The following BCAS3 variants were observed in gnomAD, a reference collection of about 807,000 sequenced individuals.
BCAS3 encodes the protein BCAS3 microtubule associated cell migration factor.
BCAS3 carries 53 observed loss-of-function variants against 116.1 expected under a neutral mutation model. That is an observed-to-expected ratio of 0.46 (90% CI 0.37 to 0.57). The LOEUF (loss-of-function observed/expected upper bound fraction) is 0.57. Ranked by LOEUF, BCAS3 falls within the 20% of genes least tolerant of loss-of-function variation. BCAS3 has a pLI of 0.00. For synonymous variants in BCAS3, 391 were observed against 408.2 expected (o/e 0.96, Z 0.51); for missense variants, 917 against 1,165.4 (o/e 0.79, Z 3.10).
At chr17:60,884,493 A>C (rs958126423) in intron 9 of BCAS3, among the ~76,000 whole-genome samples, 4 of 141,982 alleles carry the variant, frequency 2.8e-5, no homozygotes, top group African/African-American at 1.1e-4. Context: ...TAGCTTTTGA[A>C]TGTGTTTGCT....
intron 22 of BCAS3, among the ~76,000 whole-genome samples, chr17:61,096,347 T>C (rs2073971304): frequency 6.6e-6 from 1 of 152,178 alleles, no homozygotes; most frequent in Admixed American, 6.5e-5. Flanking sequence ...TATAATAAAC[T>C]TGTATCCCAG....
chr17:60,699,216 C>CTTAT lies in BCAS3; in HGVS notation c.214+9468_214+9471dup, dbSNP rs144443482. On this transcript the variant is annotated intron_variant, in intron 4 of 23. Coordinates refer to ENST00000407086, the MANE Select transcript of BCAS3 (RefSeq NM_017679.5). ...CACCATTTGTTTATTTATTTATTTA[C>CTTAT]TTATTTATTTATTTATGAGACAGAG... Among the ~76,000 whole-genome samples, 20 of 151,788 alleles carry CTTAT rather than the reference C, an allele frequency of 1.3e-4. No individual in the cohort carries two copies. The East Asian group carries it at 3.3e-3, about 25-fold the overall frequency.
rs905914404 is a variant in BCAS3, at chr17:61,327,444, C to A, written c.2426-40883C>A. Among the ~76,000 whole-genome samples, 3 of 151,868 alleles carry A rather than the reference C, an allele frequency of 2.0e-5. No individual in the cohort carries two copies. The highest frequency in any genetic ancestry group is 2.0e-4 in the Admixed American group (3 of 15,244). The stretch of plus-strand genomic sequence containing the variant: ...ATGACATCATAGAATTGTAATGAGA[C>A]TATATTGAGGGTTAGATAACAGGCA... On this transcript the variant is annotated intron_variant, in intron 22 of 23. Coordinates refer to ENST00000407086, the MANE Select transcript of BCAS3 (RefSeq NM_017679.5). This position sits in a 1 kb window ranked among gnomAD's most constrained non-coding sequence, Gnocchi z 5.9.
chr17:60,850,886 A>C (rs2053083161), intron 7 of BCAS3, among the ~76,000 whole-genome samples: 2 of 152,212 alleles, frequency 1.3e-5, no homozygotes, highest in Non-Finnish European at 2.9e-5. Context: ...TCTCTTCCTA[A>C]GTTGATCTAT....
At chr17:61,247,641 G>A (rs913843427) in intron 22 of BCAS3, among the ~76,000 whole-genome samples, 1 of 152,106 alleles carries the variant, frequency 6.6e-6, no homozygotes, top group Non-Finnish European at 1.5e-5. Context: ...CCTTATTGCC[G>A]ACCACAGCTG....
chr17:61,331,074 A>G (rs972664176), intron 22 of BCAS3, among the ~76,000 whole-genome samples: 26 of 152,190 alleles, frequency 1.7e-4, no homozygotes, highest in African/African-American at 5.5e-4. Flanking sequence ...GGGGTGAGAA[A>G]AGCATATAAG....
rs180965018 is a variant in BCAS3, at chr17:60,868,235, C to T, written c.477-341C>T. On this transcript the variant is annotated intron_variant, in intron 7 of 23. Coordinates refer to ENST00000407086, the MANE Select transcript of BCAS3 (RefSeq NM_017679.5). ...GGGGGCAGGGTTTCACCATGTTGGCCAGGCTGGTCTCAAACTCCTGACCTC... is the reference window on the plus strand; with the variant it reads ...GGGGGCAGGGTTTCACCATGTTGGCTAGGCTGGTCTCAAACTCCTGACCTC... Among the ~76,000 whole-genome samples the T allele has an allele frequency of 3.6e-3, 545 of 152,112 alleles. 2 individuals are homozygous for T. The highest frequency in any genetic ancestry group is 8.2e-3 in the Admixed American group (125 of 15,270).
chr17:61,186,932 G>A lies in BCAS3; in HGVS notation c.2425+102368G>A, dbSNP rs545128454. The stretch of plus-strand genomic sequence containing the variant: ...TCACCGTGTTAGCCAGGATGGTCTC[G>A]ATCTCCTGACCTCGTGATCCACCCA... On this transcript the variant is annotated intron_variant, in intron 22 of 23. Coordinates refer to ENST00000407086, the MANE Select transcript of BCAS3 (RefSeq NM_017679.5). This position sits in a 1 kb window ranked among gnomAD's most constrained non-coding sequence, Gnocchi z 4.9. 2.4e-4 allele frequency among the ~76,000 whole-genome samples: 36 copies of A among 152,046 alleles called. 1 individual carries two copies. Among genetic ancestry groups the A allele is most frequent in the Non-Finnish European group, 5.9e-5 (4 of 68,002 alleles).
In BCAS3 at chr17:61,378,484, G is replaced by C. The variant is rs368158430; in HGVS notation, c.2593+9990G>C. On this transcript the variant is annotated intron_variant, in intron 23 of 23. Transcript: ENST00000407086. This position sits in a 1 kb window ranked among gnomAD's most constrained non-coding sequence, Gnocchi z 5.8. Reference sequence around the variant, plus strand: ...ATTAACTTGCTCACCAATTCCCTTCGTTTTGCCATTGGAAAAGGGCCGGCC... The same window carrying C: ...ATTAACTTGCTCACCAATTCCCTTCCTTTTGCCATTGGAAAAGGGCCGGCC... 1.3e-5 allele frequency: 2 copies of C among 152,066 alleles called. No individual in the cohort carries two copies. The highest frequency in any genetic ancestry group is 4.8e-5 in the African/African-American group (2 of 41,384). 9.4% of individuals were successfully genotyped at this position (152,066 alleles called of 1,614,324 possible).
chr17:60,750,238 T>G (rs1370222561), intron 6 of BCAS3, among the ~76,000 whole-genome samples: 1 of 152,074 alleles, frequency 6.6e-6, no homozygotes, highest in Non-Finnish European at 1.5e-5. Flanking sequence ...TATGATCATC[T>G]CAATAGAAGT....
intron 7 of BCAS3, among the ~76,000 whole-genome samples, chr17:60,843,587 C>A (rs2052190690): frequency 6.6e-6 from 1 of 152,100 alleles, no homozygotes; most frequent in Non-Finnish European, 1.5e-5. Flanking sequence ...CCTCTTGTTC[C>A]TCTCCCTACA....
chr17:61,026,956 C>G lies in BCAS3; in HGVS notation c.1638-7710C>G. 2 of 1,546,094 alleles carry G rather than the reference C, an allele frequency of 1.3e-6. No homozygotes were observed. Among genetic ancestry groups the G allele is most frequent in the Non-Finnish European group, 1.8e-6 (2 of 1,133,300 alleles). On this transcript the variant is annotated intron_variant, in intron 16 of 23. Coordinates refer to ENST00000407086, the MANE Select transcript of BCAS3 (RefSeq NM_017679.5). This position sits in a 1 kb window ranked among gnomAD's most constrained non-coding sequence, Gnocchi z 5.0. ...GCATGCCTCATTCATTTGCTGTACTCTCAAAAAGTAATTTGTTTTGTAGTT... is the reference window on the plus strand; with the variant it reads ...GCATGCCTCATTCATTTGCTGTACTGTCAAAAAGTAATTTGTTTTGTAGTT...
rs1481244546 is a variant in BCAS3, at chr17:61,132,044, C to T, written c.2425+47480C>T. On this transcript the variant is annotated intron_variant, in intron 22 of 23. Coordinates refer to ENST00000407086, the MANE Select transcript of BCAS3 (RefSeq NM_017679.5). The surrounding 1 kb of genome is among the most constrained non-coding windows in gnomAD (Gnocchi z 5.1). ...ATACCTCACCGTGTTCTCCTTATAG[C>T]CACTCTGTCCCCAAAGAAGTTTTTA... is the stretch of plus-strand genomic sequence containing the variant. Among the ~76,000 whole-genome samples, 1 of 152,164 alleles carries T rather than the reference C, an allele frequency of 6.6e-6. No homozygotes were observed. The highest frequency in any genetic ancestry group is 2.4e-5 in the African/African-American group (1 of 41,426).
rs143271689 is a variant in BCAS3 at position 61,037,670 on chromosome 17, G to A, written c.1763-219G>A. 2.8e-4 allele frequency among the ~76,000 whole-genome samples: 43 copies of A among 152,286 alleles called. No individual in the cohort carries two copies. In the East Asian group the frequency reaches 6.0e-3, roughly 21 times the overall value. ...GCCTGTAATCCCAGCTACTCAAGAG[G>A]CTGAGGCGGGAGAACCATTTGAACC... is the stretch of plus-strand genomic sequence containing the variant. On this transcript the variant is annotated intron_variant, in intron 17 of 23. Transcript: ENST00000407086. This position sits in a 1 kb window ranked among gnomAD's most constrained non-coding sequence, Gnocchi z 4.7.
intron 22 of BCAS3, among the ~76,000 whole-genome samples, chr17:61,311,737 A>G (rs1001657279): frequency 3.3e-5 from 5 of 152,106 alleles, no homozygotes; most frequent in African/African-American, 7.2e-5. Flanking sequence ...TACTAAAAAT[A>G]CAAAAAATTA....
chr17:60,853,306 A>G (rs890817559), intron 7 of BCAS3, among the ~76,000 whole-genome samples: 1 of 152,184 alleles, frequency 6.6e-6, no homozygotes, highest in African/African-American at 2.4e-5. Flanking sequence ...ATTTGTTTGT[A>G]GAGGAAAACA....
rs918514774 is a variant in BCAS3, at chr17:61,051,500, T to A, written c.2029+10608T>A. Among the ~76,000 whole-genome samples the A allele has an allele frequency of 6.6e-6, 1 of 152,238 alleles. No individual in the cohort carries two copies. Among genetic ancestry groups the A allele is most frequent in the African/African-American group, 2.4e-5 (1 of 41,462 alleles). On this transcript the variant is annotated intron_variant, in intron 19 of 23. Transcript: ENST00000407086. This position sits in a 1 kb window ranked among gnomAD's most constrained non-coding sequence, Gnocchi z 4.1. ...GAATAAAGTCTCTGGATTGTATCAA[T>A]GGTGATTTTCTGATTTTGCAACTGA... is the stretch of plus-strand genomic sequence containing the variant.
At chr17:60,723,940 T>G (rs1171852548) in intron 5 of BCAS3, among the ~76,000 whole-genome samples, 1 of 151,074 alleles carries the variant, frequency 6.6e-6, no homozygotes, top group African/African-American at 2.4e-5. Context: ...CAGGCTGGTC[T>G]TGAACTCCTG....
At position 60,963,554 on chromosome 17, in the gene BCAS3, G is replaced by A. The variant is rs143352853; in HGVS notation, c.1221+16202G>A. On this transcript the variant is annotated intron_variant, in intron 14 of 23. Coordinates refer to ENST00000407086, the MANE Select transcript of BCAS3 (RefSeq NM_017679.5). ...CCTGTTGATGTATATAAATGCTATC[G>A]ATTTTTTTTTTTTTTTTTTGAGATG... Among the ~76,000 whole-genome samples the A allele has an allele frequency of 2.5e-3, 341 of 136,282 alleles. 1 individual carries two copies. The highest frequency in any genetic ancestry group is 0.011 in the African/African-American group (330 of 28,986). 89.4% of individuals were successfully genotyped at this position (136,282 alleles called of 152,430 possible).
Sources: gnomAD v4.1 joint callset for allele counts (sites outside exome capture counted in the v4.1 genomes callset) on GRCh38, gnomAD v4.1.1 for gene constraint, Gnocchi (gnomAD v3.1) non-coding constraint, MANE v1.5 for transcripts, NCBI Gene and HGNC (gene_info 2026-07-23, HGNC 2026-07-21) for gene names.